The following PPP6R2 variants were observed in gnomAD, a reference collection of about 807,000 sequenced individuals.
PPP6R2 encodes the protein serine/threonine-protein phosphatase 6 regulatory subunit 2.
In PPP6R2, 62 loss-of-function variants were observed where a neutral mutation model predicts 100.2. That is an observed-to-expected ratio of 0.62 (90% CI 0.50 to 0.76). The LOEUF (loss-of-function observed/expected upper bound fraction) is 0.76, where lower values mean the gene tolerates loss of function less well. Ranked by LOEUF, PPP6R2 falls within the 30% of genes least tolerant of loss-of-function variation. The probability of loss-of-function intolerance (pLI) is 0.00; values close to 1 mark genes in which losing one functional copy is unlikely to be tolerated. For synonymous variants in PPP6R2, 525 were observed against 514.7 expected (o/e 1.02, Z -0.27); for missense variants, 1,142 against 1,276.3 (o/e 0.89, Z 1.60).
At chr22:50,393,671 G>A in intron 2 of PPP6R2, 1 of 970,706 alleles carries the variant, frequency 1.0e-6, no homozygotes, top group Non-Finnish European at 1.2e-6. Context: ...GCCCAACCTG[G>A]AGAGGTCTGA....
chr22:50,414,144 G>A (rs912019660), intron 4 of PPP6R2, among the ~76,000 whole-genome samples: 3 of 152,190 alleles, frequency 2.0e-5, no homozygotes, highest in Non-Finnish European at 4.4e-5. Context: ...CCCTGGATGT[G>A]TGTTCTAGGC....
In PPP6R2 at chr22:50,444,100, G is replaced by T. The variant is rs765529157; in HGVS notation, c.2814G>T (p.Gly938=). ...TAAPAMVATL[G]TVTKDGKTDA... is the part of the protein sequence containing the mutation. ...CCCCAGCCATGGTGGCCACCCTGGG[G>T]ACAGTGACAAAGGACGGGTGAGCAG... Residue 938 remains glycine, a synonymous_variant, in exon 23 of 24, where the codon GGG becomes GGT. Transcript: ENST00000612753. 1 of 1,612,630 alleles carries T rather than the reference G, an allele frequency of 6.2e-7. No homozygotes were observed. The highest frequency in any genetic ancestry group is 1.1e-5 in the South Asian group (1 of 91,070).
In PPP6R2 at chr22:50,440,054, G is replaced by A. The variant is rs2065227918; in HGVS notation, c.2374+5G>A. On this transcript the variant is annotated splice_donor_5th_base_variant and intron_variant, in intron 21 of 23. Coordinates refer to ENST00000612753, the MANE Select transcript of PPP6R2 (RefSeq NM_001242898.2). Reference sequence around the variant, plus strand: ...GCCAAGGCCCTGAGAAAGCCTGTGAGTAGGAGCAGTGCAGGCGGCACCCAG... The same window carrying A: ...GCCAAGGCCCTGAGAAAGCCTGTGAATAGGAGCAGTGCAGGCGGCACCCAG... 6.2e-7 allele frequency: 1 copy of A among 1,610,270 alleles called. No homozygotes were observed. The highest frequency in any genetic ancestry group is 8.5e-7 in the Non-Finnish European group (1 of 1,177,738).
intron 1 of PPP6R2, 131 bp from the exon 2 acceptor site, chr22:50,371,889 G>C (rs2050306477): frequency 6.6e-6 from 1 of 152,134 alleles, no homozygotes; most frequent in African/African-American, 2.4e-5. Context: ...CTGCCGCCTT[G>C]GCCTCCCATT....
At chr22:50,335,720 G>A in the PPP6R2 span, among the ~76,000 whole-genome samples, 2 of 136,372 alleles carry the variant, frequency 1.5e-5, no homozygotes, top group East Asian at 2.3e-4. Context: ...CTGTCACCCA[G>A]GCTTGAGAGC....
upstream of PPP6R2, among the ~76,000 whole-genome samples, chr22:50,342,533 A>G (rs2042519739): frequency 6.6e-6 from 1 of 152,180 alleles, no homozygotes; most frequent in South Asian, 2.1e-4. Context: ...GAAATACCGA[A>G]TATTTGAGCC....
chr22:50,440,635 T>C (rs1179628026), intron 21 of PPP6R2, among the ~76,000 whole-genome samples, 187 bp from the exon 22 acceptor site: 2 of 152,192 alleles, frequency 1.3e-5, no homozygotes, highest in Admixed American at 1.3e-4. Context: ...CAGGGTTGTT[T>C]GTGTGGAGAC....
At chr22:50,430,394 C>A (rs192981454) in intron 10 of PPP6R2, among the ~76,000 whole-genome samples, 124 of 152,288 alleles carry the variant, frequency 8.1e-4, no homozygotes, top group Non-Finnish European at 1.3e-3. Flanking sequence ...TAACACACTT[C>A]CAATAATTCA....
At chr22:50,395,459 G>A (rs1487620850) in intron 3 of PPP6R2, among the ~76,000 whole-genome samples, 3 of 152,232 alleles carry the variant, frequency 2.0e-5, no homozygotes, top group Non-Finnish European at 4.4e-5. Flanking sequence ...CCCAGGTGAC[G>A]CCTCATTAGG....
chr22:50,369,039 G>A (rs542008603), intron 1 of PPP6R2, among the ~76,000 whole-genome samples: 16 of 152,226 alleles, frequency 1.1e-4, no homozygotes, highest in South Asian at 6.2e-4. Context: ...GGGAGTTCAC[G>A]ACCAGCCTGA....
intron 8 of PPP6R2, among the ~76,000 whole-genome samples, chr22:50,421,481 T>G (rs1016429906): frequency 1.2e-4 from 19 of 152,194 alleles, no homozygotes; most frequent in Non-Finnish European, 2.5e-4. Context: ...GTGCTGGGAT[T>G]ATAGGTGTGA....
chr22:50,377,604 A>C (rs1206568895), intron 2 of PPP6R2, among the ~76,000 whole-genome samples: 2 of 152,234 alleles, frequency 1.3e-5, no homozygotes, highest in Admixed American at 6.5e-5. Context: ...CATCGAGGGC[A>C]AATGTCTAAT....
chr22:50,348,475 C>T (rs1278031651), intron 1 of PPP6R2, among the ~76,000 whole-genome samples: 1 of 152,198 alleles, frequency 6.6e-6, no homozygotes, highest in Non-Finnish European at 1.5e-5. Flanking sequence ...CTTTTATCCT[C>T]CCAGCCCCAT....
intron 2 of PPP6R2, chr22:50,393,315 G>A (rs2056043614): frequency 6.9e-6 from 6 of 866,450 alleles, no homozygotes; most frequent in Non-Finnish European, 6.9e-6. Context: ...GCTGGGGGAG[G>A]CAGAGGAGTG....
intron 3 of PPP6R2, among the ~76,000 whole-genome samples, chr22:50,401,719 T>A (rs2058073621): frequency 6.6e-6 from 1 of 151,736 alleles, no homozygotes; most frequent in African/African-American, 2.4e-5. Flanking sequence ...CTCGGCTCAC[T>A]GTAAGCTTCG....
intron 10 of PPP6R2, among the ~76,000 whole-genome samples, chr22:50,430,077 C>T (rs926031562): frequency 2.6e-5 from 4 of 152,244 alleles, no homozygotes; most frequent in South Asian, 2.1e-4. Flanking sequence ...CACAGGCTGC[C>T]GTGGCCCTGG....
Position 50,437,910 on chromosome 22 carries a change from C to T in PPP6R2, c.1839+10C>T. 1.3e-6 allele frequency: 2 copies of T among 1,558,370 alleles called. No individual in the cohort carries two copies. Among genetic ancestry groups the T allele is most frequent in the Admixed American group, 1.9e-5 (1 of 51,346 alleles). On this transcript the variant is annotated intron_variant, in intron 17 of 23. Transcript: ENST00000612753. ...CGCTGACGAGGACAGTGTGAGCAAG[C>T]CGGGCTGTGTGGGGTGCCGCCACCC...
chr22:50,422,095 A>G (rs1020789111), intron 8 of PPP6R2, among the ~76,000 whole-genome samples, 159 bp from the exon 9 acceptor site: 2 of 152,088 alleles, frequency 1.3e-5, no homozygotes, highest in Non-Finnish European at 2.9e-5. Context: ...ACCAGTCACC[A>G]GATCACGTGT....
At chr22:50,418,406 G>T (rs1185576375) in intron 6 of PPP6R2, among the ~76,000 whole-genome samples, 2 of 149,934 alleles carry the variant, frequency 1.3e-5, no homozygotes, top group African/African-American at 4.9e-5. Flanking sequence ...TTTTTTTTGA[G>T]ATGGAGTCTC....
Sources: gnomAD v4.1 joint callset for allele counts (sites outside exome capture counted in the v4.1 genomes callset) on GRCh38, gnomAD v4.1.1 for gene constraint, MANE v1.5 for transcripts, NCBI Gene and HGNC (gene_info 2026-07-23, HGNC 2026-07-21) for gene names.